The following FRYL variants were observed in gnomAD, a reference collection of about 807,000 sequenced individuals.
The protein encoded by FRYL is FRY like transcription coactivator.
A neutral mutation model predicts 351.2 loss-of-function variants in FRYL; 150 were observed. The ratio of observed to expected loss-of-function variants is 0.43; its 90% CI spans 0.37 to 0.49. FRYL has a LOEUF of 0.49. Among genes scored for constraint, FRYL ranks in the 20% least tolerant of loss-of-function variants. FRYL has a pLI of 0.00. For synonymous variants in FRYL, 1,153 were observed against 1,257.1 expected (o/e 0.92, Z 1.75); for missense variants, 3,036 against 3,619.3 (o/e 0.84, Z 4.13).
At chr4:48,761,015 G>C (rs1384107839) in intron 1 of FRYL, among the ~76,000 whole-genome samples, 1 of 148,332 alleles carries the variant, frequency 6.7e-6, no homozygotes, top group Non-Finnish European at 1.5e-5. Context: ...GTCTGTGTGT[G>C]TGTGTGTGTG....
chr4:48,596,797 G>A (rs1744677184), intron 13 of FRYL, among the ~76,000 whole-genome samples: 1 of 150,598 alleles, frequency 6.6e-6, no homozygotes, highest in African/African-American at 2.4e-5. Context: ...CATTCTAGCT[G>A]TTATAAAAAA....
At chr4:48,717,010 A>G (rs1267556716) in intron 1 of FRYL, among the ~76,000 whole-genome samples, 1 of 150,500 alleles carries the variant, frequency 6.6e-6, no homozygotes, top group Non-Finnish European at 1.5e-5. Flanking sequence ...TTCTCAGTAA[A>G]CTATCGCAAG....
chr4:48,708,910 GT>G (rs770430034), intron 2 of FRYL, among the ~76,000 whole-genome samples: 2 of 60,628 alleles, frequency 3.3e-5, no homozygotes, highest in African/African-American at 6.0e-5. Flanking sequence ...GGTATCGTGT[GT>G]TTTTTTTTTT....
intron 20 of FRYL, among the ~76,000 whole-genome samples, chr4:48,581,963 A>G (rs1161907037): frequency 6.6e-6 from 1 of 152,218 alleles, no homozygotes; most frequent in East Asian, 1.9e-4. Flanking sequence ...AGCTTCTAAG[A>G]AACTCCTGAA....
intron 1 of FRYL, among the ~76,000 whole-genome samples, chr4:48,750,430 C>T (rs1286923484): frequency 6.6e-6 from 1 of 151,854 alleles, no homozygotes; most frequent in Admixed American, 6.6e-5. Context: ...CACTGCACTC[C>T]AGCCTGGGTG....
Position 48,510,878 on chromosome 4 carries a change from A to T in FRYL, c.8252T>A (p.Met2751Lys). Residue 2751 changes from methionine to lysine, a missense_variant, in exon 58 of 64, where the codon ATG becomes AAG. Physicochemically the swap from Met to Lys is moderately conservative, Grantham distance 95. This residue lies in a region of FRYL where 1,987 missense variants were observed against 2,311.7 expected (regional missense o/e 0.86). Transcript: ENST00000358350. ...GACTGTTGGGCATTCTGAACACAGC[A>T]TCATCACTTCCAAGGAACTTTTAAA... ...TKFKSSLEVM[M>K]LCSECPTVFV... 6.2e-7 allele frequency: 1 copy of T among 1,613,414 alleles called. No individual in the cohort carries two copies. Among genetic ancestry groups the T allele is most frequent in the Non-Finnish European group, 8.5e-7 (1 of 1,179,550 alleles).
rs1560646536 is a variant in FRYL at position 48,579,226 on chromosome 4, A to G, written c.2275T>C (p.Cys759Arg). The G allele has an allele frequency of 1.9e-6, 3 of 1,611,990 alleles. No individual in the cohort carries two copies. In the South Asian group the frequency reaches 3.3e-5, roughly 18 times the overall value. The stretch of plus-strand genomic sequence containing the variant: ...GTTTGTAAATCTATCGAGCTAGGGC[A>G]ATAGAGCAAAGTAGTCTATATGGAG... Reference protein sequence around the residue: ...TGADQTTLLYCPSSIDLQTLA... With the variant: ...TGADQTTLLYRPSSIDLQTLA... The change falls in exon 23 of 64, where the codon TGC becomes CGC. Residue 759 changes from cysteine (C) to arginine (R), a missense_variant. Around this residue, in one of 7 missense-constraint regions of FRYL, gnomAD observed 492 missense variants for 551.5 expected, o/e 0.89. Transcript: ENST00000358350.
At chr4:48,595,270 T>C (rs1744365991) in intron 15 of FRYL, among the ~76,000 whole-genome samples, 1 of 152,232 alleles carries the variant, frequency 6.6e-6, no homozygotes, top group Admixed American at 6.5e-5. Context: ...CTAGCTACAG[T>C]GGAATCTATT....
chr4:48,641,675 C>T (rs373359572), intron 3 of FRYL, among the ~76,000 whole-genome samples: 1 of 152,128 alleles, frequency 6.6e-6, no homozygotes. Flanking sequence ...AGCACTGGAA[C>T]ACAAACTTGC....
chr4:48,540,555 G>T lies in FRYL; in HGVS notation c.6093C>A (p.Ile2031=). ...TCTCTGATTTATCCAAAGGCAAATG[G>T]ATAAGCAGTTTGTTGAGAAGCCTGA... The part of the protein sequence containing the change: ...LALRLLNKLL[I]HLPLDKSESR... Residue 2031 remains isoleucine (I), a synonymous_variant, in exon 46 of 64, where the codon ATC becomes ATA. Coordinates refer to ENST00000358350, the MANE Select transcript of FRYL (RefSeq NM_015030.2). 1 of 1,613,946 alleles carries T rather than the reference G, an allele frequency of 6.2e-7. No homozygotes were observed. Among genetic ancestry groups the T allele is most frequent in the Non-Finnish European group, 8.5e-7 (1 of 1,179,890 alleles).
At chr4:48,706,139 C>A (rs1408986707) in intron 2 of FRYL, among the ~76,000 whole-genome samples, 2 of 152,114 alleles carry the variant, frequency 1.3e-5, no homozygotes, top group Non-Finnish European at 2.9e-5. Flanking sequence ...GGCCTCACCT[C>A]CCTTTTAGTG....
At chr4:48,524,380 C>G (rs1725541949) in intron 53 of FRYL, among the ~76,000 whole-genome samples, 4 of 152,058 alleles carry the variant, frequency 2.6e-5, no homozygotes, top group Admixed American at 2.6e-4. Context: ...GTTTGAAAAC[C>G]ACCTTCCTGG....
At chr4:48,704,084 A>G (rs1362745881) in intron 2 of FRYL, among the ~76,000 whole-genome samples, 1 of 152,232 alleles carries the variant, frequency 6.6e-6, no homozygotes, top group Non-Finnish European at 1.5e-5. Flanking sequence ...ATCCAAAAGA[A>G]TAAATGTAAC....
chr4:48,584,349 T>C (rs142723314), intron 19 of FRYL, among the ~76,000 whole-genome samples: 179 of 152,280 alleles, frequency 1.2e-3, no homozygotes, highest in African/African-American at 4.2e-3. Context: ...AAAGGAGATA[T>C]AAGTATTCAC....
chr4:48,743,246 T>A (rs1467999687), intron 1 of FRYL, among the ~76,000 whole-genome samples: 1 of 152,148 alleles, frequency 6.6e-6, no homozygotes, highest in East Asian at 1.9e-4. Flanking sequence ...TAAATTCTTA[T>A]CTAGGTGTTA....
In FRYL at chr4:48,721,033, G is replaced by A. The variant is rs1769408477; in HGVS notation, c.-383-10335C>T. Among the ~76,000 whole-genome samples, 4 of 152,204 alleles carry A rather than the reference G, an allele frequency of 2.6e-5. No individual in the cohort carries two copies. In the South Asian group the frequency reaches 8.3e-4, roughly 31 times the overall value. On this transcript the variant is annotated intron_variant, in intron 1 of 63. Coordinates refer to ENST00000358350, the MANE Select transcript of FRYL (RefSeq NM_015030.2). ...AAGTCCAAACAGCTCTAAGGAGGTA[G>A]ATGATTATCATTCCCAACTGACAAA...
rs369263374 is a variant in FRYL at position 48,583,341 on chromosome 4, C to T, written c.1749-607G>A. ...TAATTTTTTGTATTTTTAGTAGAGA[C>T]GGGGTTTCACCGTCTTAGCCAGGAT... is the stretch of plus-strand genomic sequence containing the variant. On this transcript the variant is annotated intron_variant, in intron 19 of 63. Coordinates refer to ENST00000358350, the MANE Select transcript of FRYL (RefSeq NM_015030.2). Among the ~76,000 whole-genome samples the T allele has an allele frequency of 1.4e-4, 22 of 152,056 alleles. No individual in the cohort carries two copies. In the East Asian group the frequency reaches 3.5e-3, roughly 24 times the overall value.
At chr4:48,736,106 C>T (rs1167987343) in intron 1 of FRYL, among the ~76,000 whole-genome samples, 1 of 151,806 alleles carries the variant, frequency 6.6e-6, no homozygotes, top group East Asian at 1.9e-4. Context: ...AAACAACACA[C>T]TTCCAAATGA....
At chr4:48,696,378 G>A (rs1766164877) in intron 2 of FRYL, among the ~76,000 whole-genome samples, 1 of 152,108 alleles carries the variant, frequency 6.6e-6, no homozygotes, top group Admixed American at 6.5e-5. Context: ...TCTTTTGTGG[G>A]GACATGGATG....
Sources: gnomAD v4.1 joint callset for allele counts (sites outside exome capture counted in the v4.1 genomes callset) on GRCh38, gnomAD v4.1.1 for gene constraint, gnomAD v4.1.1 regional missense constraint, MANE v1.5 for transcripts, NCBI Gene and HGNC (gene_info 2026-07-23, HGNC 2026-07-21) for gene names.